Variants in CHD6 observed in about 807,000 individuals in gnomAD.
CHD6 encodes ATP-dependent chromatin remodeler CHD6.
In CHD6, 50 loss-of-function variants were observed where a neutral mutation model predicts 276.9. That is an observed-to-expected ratio of 0.18 (90% CI 0.14 to 0.23). The LOEUF (loss-of-function observed/expected upper bound fraction) is 0.23. Among genes scored for constraint, CHD6 ranks in the 10% least tolerant of loss-of-function variants. The probability of loss-of-function intolerance (pLI) is 1.00; values close to 1 mark genes in which losing one functional copy is unlikely to be tolerated. For synonymous variants in CHD6, 1,173 were observed against 1,229.3 expected, an observed-to-expected ratio of 0.95 and a Z score of 0.96; for missense variants, 2,564 against 3,365.8, an observed-to-expected ratio of 0.76 and a Z score of 5.89.
At chr20:41,424,266 T>A (rs1193617349) in intron 29 of CHD6, among the ~76,000 whole-genome samples, 1 of 152,212 alleles carries the variant, frequency 6.6e-6, no homozygotes, top group African/African-American at 2.4e-5. Flanking sequence ...ATGACAATTA[T>A]CTTCTCTGGG....
At chr20:41,566,639 T>A (rs1231723689) in intron 1 of CHD6, among the ~76,000 whole-genome samples, 2 of 152,122 alleles carry the variant, frequency 1.3e-5, no homozygotes, top group Non-Finnish European at 2.9e-5. Flanking sequence ...CTCATGCAAG[T>A]CAATCACATC....
intron 5 of CHD6, among the ~76,000 whole-genome samples, chr20:41,506,103 T>C (rs1235180254): frequency 2.6e-5 from 4 of 152,188 alleles, no homozygotes; most frequent in South Asian, 2.1e-4. Context: ...ACCATCTCCA[T>C]TGCTTCTAAC....
intron 1 of CHD6, among the ~76,000 whole-genome samples, chr20:41,561,366 T>C (rs1009010500): frequency 2.0e-5 from 3 of 152,212 alleles, no homozygotes; most frequent in African/African-American, 7.2e-5. Context: ...AAAATTTGCA[T>C]GGTTTTCTAT....
chr20:41,467,391 C>T (rs924928262), intron 17 of CHD6, among the ~76,000 whole-genome samples: 1 of 151,926 alleles, frequency 6.6e-6, no homozygotes, highest in African/African-American at 2.4e-5. Flanking sequence ...CATATAAAAA[C>T]CTTTGGAGTA....
At position 41,572,705 on chromosome 20, in the gene CHD6, T is replaced by C. The variant is rs184152310; in HGVS notation, c.-23-21345A>G. ...TGGTTTCTTGCTTGCCCAGCAACTG[T>C]GTATTAACTCTGGCCCAGGCAAGCA... On this transcript the variant is annotated intron_variant, in intron 1 of 36. Transcript: ENST00000373233. Among the ~76,000 whole-genome samples the C allele has an allele frequency of 2.0e-4, 31 of 152,296 alleles. No homozygotes were observed. The East Asian group carries it at 5.8e-3, about 28-fold the overall frequency.
intron 1 of CHD6, among the ~76,000 whole-genome samples, chr20:41,578,404 A>G (rs1254630217): frequency 1.3e-5 from 2 of 152,208 alleles, no homozygotes; most frequent in Non-Finnish European, 2.9e-5. Flanking sequence ...GTTTTTTAAA[A>G]AAGTTTTTTA....
Position 41,426,083 on chromosome 20 carries a change from A to G in CHD6, c.4129+10T>C. On this transcript the variant is annotated intron_variant, in intron 28 of 36. Coordinates refer to ENST00000373233, the MANE Select transcript of CHD6 (RefSeq NM_032221.5). Reference sequence around the variant, plus strand: ...TACTTTCCTATGCCTTCAGAAGGACATAGTCTCACCTGCCCGGCTGTCATC... The same window carrying G: ...TACTTTCCTATGCCTTCAGAAGGACGTAGTCTCACCTGCCCGGCTGTCATC... The G allele has an allele frequency of 6.3e-7, 1 of 1,592,582 alleles. No individual in the cohort carries two copies. The highest frequency in any genetic ancestry group is 1.1e-5 in the South Asian group (1 of 90,676).
At chr20:41,547,433 GT>G (rs1448607810) in intron 2 of CHD6, 1 of 256,332 alleles carries the variant, frequency 3.9e-6, no homozygotes, top group Non-Finnish European at 7.7e-6. Context: ...TGCTGCTGAA[GT>G]TTGACCCCAA....
intron 1 of CHD6, among the ~76,000 whole-genome samples, chr20:41,573,690 T>C (rs1183292235): frequency 6.6e-6 from 1 of 151,906 alleles, no homozygotes; most frequent in Admixed American, 6.6e-5. Flanking sequence ...AAAACAAACA[T>C]CAAGACCTAA....
rs1324067145 is a variant in CHD6 at position 41,405,046 on chromosome 20, A to C, written c.7695T>G (p.Thr2565=). 6.2e-7 allele frequency: 1 copy of C among 1,614,202 alleles called. No homozygotes were observed. Among genetic ancestry groups the C allele is most frequent in the East Asian group, 2.2e-5 (1 of 44,890 alleles). The part of the protein sequence containing the change: ...SSTTKSGTAV[T]EKTAEDKPSS... Reference sequence around the variant, plus strand: ...TCGGCTTGTCTTCCGCAGTCTTTTCAGTCACTGCCGTACCACTTTTCGTTG... The same window carrying C: ...TCGGCTTGTCTTCCGCAGTCTTTTCCGTCACTGCCGTACCACTTTTCGTTG... The change falls in exon 37 of 37, where the codon ACT becomes ACG. Residue 2565 remains threonine, a synonymous_variant. Transcript: ENST00000373233.
At chr20:41,466,424 C>A (rs1021921676) in intron 17 of CHD6, among the ~76,000 whole-genome samples, 26 of 152,052 alleles carry the variant, frequency 1.7e-4, no homozygotes, top group Admixed American at 1.7e-3. Flanking sequence ...GAATATATTA[C>A]AGTTTATTCA....
At chr20:41,616,198 TG>T (rs2045933304) in intron 1 of CHD6, among the ~76,000 whole-genome samples, 1 of 152,220 alleles carries the variant, frequency 6.6e-6, no homozygotes, top group Non-Finnish European at 1.5e-5. Context: ...ACTAATACAC[TG>T]ATGAGTTCAG....
At chr20:41,578,867 G>GA (rs144132030) in intron 1 of CHD6, among the ~76,000 whole-genome samples, 33,129 of 143,402 alleles carry the variant, frequency 0.23, 3,956 homozygotes, top group African/African-American at 0.31. Flanking sequence ...CCATTAGAAA[G>GA]AAAAAAAAAA....
chr20:41,536,231 T>C (rs1457959488), intron 2 of CHD6, among the ~76,000 whole-genome samples: 1 of 152,198 alleles, frequency 6.6e-6, no homozygotes, highest in Non-Finnish European at 1.5e-5. Context: ...AAAAATATTT[T>C]ACAAATTATA....
rs1600802714 is a variant in CHD6 at position 41,415,745 on chromosome 20, T to C, written c.6487-107A>G. ...CTAGGCCTCATATTGTTTCCAATCA[T>C]CTTTTTAGGAGTTCTTCTAACTCAG... On this transcript the variant is annotated intron_variant, in intron 33 of 36. Coordinates refer to ENST00000373233, the MANE Select transcript of CHD6 (RefSeq NM_032221.5). 7.1e-6 allele frequency: 6 copies of C among 844,382 alleles called. No homozygotes were observed. In the East Asian group the frequency reaches 1.5e-4, roughly 21 times the overall value. 52.3% of individuals were successfully genotyped at this position (844,382 alleles called of 1,614,324 possible).
intron 3 of CHD6, among the ~76,000 whole-genome samples, chr20:41,517,433 T>TA (rs1293210116): frequency 1.3e-5 from 2 of 152,070 alleles, no homozygotes; most frequent in Admixed American, 1.3e-4. Context: ...ACTTAAAAGT[T>TA]AAAAAAACAA....
chr20:41,594,358 G>A (rs2045696306), intron 1 of CHD6, among the ~76,000 whole-genome samples: 1 of 152,122 alleles, frequency 6.6e-6, no homozygotes, highest in Admixed American at 6.5e-5. Flanking sequence ...GATGTTTTTG[G>A]CATTCTTACA....
chr20:41,500,226 G>A (rs1009869645), intron 5 of CHD6, among the ~76,000 whole-genome samples: 4 of 151,960 alleles, frequency 2.6e-5, no homozygotes, highest in African/African-American at 7.3e-5. Context: ...TGCCAAATTC[G>A]GTATTCTGGG....
chr20:41,612,096 GACT>G lies in CHD6; in HGVS notation c.-24+6241_-24+6243del, dbSNP rs760634193. ...TTCCAGGAAAAAATAAACAAAAAAG[GACT>G]ACAATTATAAACTGTTTTTATAATT... is the stretch of plus-strand genomic sequence containing the variant. On this transcript the variant is annotated intron_variant, in intron 1 of 36. Transcript: ENST00000373233. Among the ~76,000 whole-genome samples, 10 of 152,110 alleles carry G rather than the reference GACT, an allele frequency of 6.6e-5. No individual in the cohort carries two copies. In the South Asian group the frequency reaches 8.3e-4, roughly 13 times the overall value.
Sources: allele counts gnomAD v4.1 joint callset (sites outside exome capture counted in the v4.1 genomes callset), GRCh38; gene constraint gnomAD v4.1.1; transcripts MANE v1.5; gene names NCBI Gene and HGNC (gene_info 2026-07-23, HGNC 2026-07-21).